Variants in NFE2 observed in about 807,000 individuals in gnomAD.
NFE2 encodes nuclear factor, erythroid 2, also known as transcription factor NF-E2 45 kDa subunit.
A neutral mutation model predicts 25.8 loss-of-function variants in NFE2; 13 were observed. That is an observed-to-expected ratio of 0.50 (90% CI 0.33 to 0.80). The LOEUF is 0.80. NFE2 is among the 30% of genes least tolerant of loss of function. NFE2 has a pLI of 0.02. For missense variants in NFE2, 382 were observed against 478.9 expected, an observed-to-expected ratio of 0.80 and a Z score of 1.89; for synonymous variants, 204 against 200.2, an observed-to-expected ratio of 1.02 and a Z score of -0.16.
intron 1 of NFE2, among the ~76,000 whole-genome samples, chr12:54,297,555 C>G (rs1592181898): frequency 6.7e-6 from 1 of 149,414 alleles, no homozygotes; most frequent in African/African-American, 2.5e-5. Flanking sequence ...ATCCCAGCTA[C>G]TCAGGAGGCT....
rs1944365016 is a variant in NFE2 at position 54,295,544 on chromosome 12, C to A, written c.-56-240G>T. ...CTTTGGTAGCACAGGAGGTCTTTACCTTTTTTCCAGGCAAAATGCCCACTC... is the reference window on the plus strand; with the variant it reads ...CTTTGGTAGCACAGGAGGTCTTTACATTTTTTCCAGGCAAAATGCCCACTC... On this transcript the variant is annotated intron_variant, in intron 1 of 2. Coordinates refer to ENST00000435572, the MANE Select transcript of NFE2 (RefSeq NM_001136023.3). 4 of 282,336 alleles carry A rather than the reference C, an allele frequency of 1.4e-5. No homozygotes were observed. In the Middle Eastern group the frequency reaches 4.5e-3, roughly 314 times the overall value. The allele number at this position is 282,336 out of a possible 1,614,324, so 17.5% of individuals were successfully genotyped here. A position where few individuals can be genotyped will look rare whatever the true frequency, so the allele number is the denominator to read the frequency against.
At position 54,293,007 on chromosome 12, in the gene NFE2, T is replaced by C; in HGVS notation, c.489A>G (p.Thr163=). 6.5e-7 allele frequency: 1 copy of C among 1,535,786 alleles called. No homozygotes were observed. The highest frequency in any genetic ancestry group is 8.8e-7 in the Non-Finnish European group (1 of 1,140,902). The change falls in exon 3 of 3, where the codon ACA becomes ACG. Residue 163 remains threonine (T), a synonymous_variant. Coordinates refer to ENST00000435572, the MANE Select transcript of NFE2 (RefSeq NM_001136023.3). The part of the protein sequence containing the change: ...SDAESLELEG[T]EAGRRRSEYV... Reference sequence around the variant, plus strand: ...ATTCGCTGCGCCGCCGACCAGCCTCTGTCCCCTCCAGCTCAAGAGATTCAG... The same window carrying C: ...ATTCGCTGCGCCGCCGACCAGCCTCCGTCCCCTCCAGCTCAAGAGATTCAG...
rs773205593 is a variant in NFE2, at chr12:54,292,838, C to T, written c.658G>A (p.Gly220Arg). Residue 220 changes from glycine (G) to arginine (R), a missense_variant, in exon 3 of 3, where the codon GGG (glycine) becomes AGG (arginine). By Grantham distance (125) the Gly-to-Arg change is moderately radical (BLOSUM62 -2). Coordinates refer to ENST00000435572, the MANE Select transcript of NFE2 (RefSeq NM_001136023.3). ...CGTTCATCCCGACTCCCTGCCTCCC[C>T]CCGTGCAGTGGGCTTAGCCCGCACA... is the stretch of plus-strand genomic sequence containing the variant. ...GPVRAKPTAR[G>R]EAGSRDERRA... 1.2e-6 allele frequency: 2 copies of T among 1,614,090 alleles called. No homozygotes were observed. The highest frequency in any genetic ancestry group is 4.5e-5 in the East Asian group (2 of 44,896).
At chr12:54,298,914 G>A (rs1206698912) in intron 1 of NFE2, among the ~76,000 whole-genome samples, 1 of 152,060 alleles carries the variant, frequency 6.6e-6, no homozygotes, top group South Asian at 2.1e-4. Flanking sequence ...AGCCAGGTCT[G>A]GTGGCGCACA....
Position 54,292,118 on chromosome 12 carries a change from A to G in NFE2, c.*256T>C. The G allele has an allele frequency of 2.0e-6, 1 of 487,818 alleles. No individual in the cohort carries two copies. Among genetic ancestry groups the G allele is most frequent in the South Asian group, 3.4e-5 (1 of 29,754 alleles). The allele number at this position is 487,818 out of a possible 1,614,324, so 30.2% of individuals were successfully genotyped here. A position where few individuals can be genotyped will look rare whatever the true frequency, so the allele number is the denominator to read the frequency against. ...AGACACAGTGAAAAGCCATTTCTGTAGCGCACTTTATAGACCAAAGCTTAG... is the reference window on the plus strand; with the variant it reads ...AGACACAGTGAAAAGCCATTTCTGTGGCGCACTTTATAGACCAAAGCTTAG... On this transcript the variant is annotated 3_prime_UTR_variant, in exon 3 of 3. Coordinates refer to ENST00000435572, the MANE Select transcript of NFE2 (RefSeq NM_001136023.3).
chr12:54,293,121 G>A lies in NFE2; in HGVS notation c.375C>T (p.Ala125=), dbSNP rs767193168. ...LLSEPLQDPL[A]LLDIGLPAGP... ...CTGCTGGCAGCCCAATGTCCAGGAG[G>A]GCTAAGGGGTCTTGGAGCGGCTCAC... is the stretch of plus-strand genomic sequence containing the variant. The change falls in exon 3 of 3, where the codon GCC becomes GCT. Residue 125 remains alanine, a synonymous_variant. Transcript: ENST00000435572. The A allele has an allele frequency of 4.6e-6, 7 of 1,527,310 alleles. No individual in the cohort carries two copies. The highest frequency in any genetic ancestry group is 3.5e-6 in the Non-Finnish European group (4 of 1,138,440). 94.6% of individuals were successfully genotyped at this position (1,527,310 alleles called of 1,614,324 possible).
intron 2 of NFE2, 133 bp from the exon 3 acceptor site, chr12:54,293,514 G>C: frequency 9.5e-7 from 1 of 1,047,608 alleles, no homozygotes; most frequent in Non-Finnish European, 1.3e-6. Context: ...CACAAATCAC[G>C]GGAAGCTTCC....
At chr12:54,297,356 CAAAAAAAAA>C (rs35611028) in intron 1 of NFE2, among the ~76,000 whole-genome samples, 6 of 49,996 alleles carry the variant, frequency 1.2e-4, no homozygotes, top group African/African-American at 4.5e-4. Flanking sequence ...GACCCTGTCT[CAAAAAAAAA>C]AAAAAAAAAA....
At position 54,293,175 on chromosome 12, in the gene NFE2, G is replaced by A. The variant is rs781465286; in HGVS notation, c.321C>T (p.Ser107=). The part of the protein sequence containing the change: ...YSYGNMAIPV[S]KPLSLSGLLS... Reference sequence around the variant, plus strand: ...GCAGGCCTGAGAGGCTCAGTGGCTTGGAGACTGGTATGGCCATGTTGCCAT... The same window carrying A: ...GCAGGCCTGAGAGGCTCAGTGGCTTAGAGACTGGTATGGCCATGTTGCCAT... The change falls in exon 3 of 3, where the codon TCC becomes TCT. Residue 107 remains serine (S), a synonymous_variant. Transcript: ENST00000435572. The A allele has an allele frequency of 1.3e-6, 2 of 1,561,954 alleles. No homozygotes were observed. The highest frequency in any genetic ancestry group is 1.2e-5 in the South Asian group (1 of 83,270).
intron 1 of NFE2, among the ~76,000 whole-genome samples, chr12:54,297,379 A>AACAC: frequency 7.4e-6 from 1 of 134,722 alleles, no homozygotes; most frequent in East Asian, 2.4e-4. Context: ...AAAAAAAAAA[A>AACAC]ACGGCCAGGT....
intron 2 of NFE2, among the ~76,000 whole-genome samples, chr12:54,293,601 A>G (rs569030714): frequency 2.0e-5 from 3 of 152,288 alleles, no homozygotes; most frequent in African/African-American, 7.2e-5. Flanking sequence ...TATAATCCCA[A>G]CACTATGGGA....
intron 1 of NFE2, among the ~76,000 whole-genome samples, chr12:54,298,061 T>A (rs1238410955): frequency 6.6e-6 from 1 of 152,124 alleles, no homozygotes; most frequent in East Asian, 1.9e-4. Context: ...AGAAGGGGTT[T>A]AGGAGGCAGA....
At chr12:54,298,082 C>T (rs553735528) in intron 1 of NFE2, among the ~76,000 whole-genome samples, 1 of 152,276 alleles carries the variant, frequency 6.6e-6, no homozygotes, top group South Asian at 2.1e-4. Context: ...GACAATGACT[C>T]TTGCTTCACA....
At chr12:54,297,720 A>G (rs1944387356) in intron 1 of NFE2, 2 of 151,174 alleles carry the variant, frequency 1.3e-5, no homozygotes, top group African/African-American at 4.9e-5. Context: ...AGGACAGAGG[A>G]TAGGATTGTA....
At chr12:54,299,295 T>TGGGATAGATCAGG (rs1478232667) in intron 1 of NFE2, among the ~76,000 whole-genome samples, 1 of 152,056 alleles carries the variant, frequency 6.6e-6, no homozygotes, top group Non-Finnish European at 1.5e-5. Flanking sequence ...TGGCAGGCAG[T>TGGGATAGATCAGG]GGGATAGATC....
In NFE2 at chr12:54,292,611, C is replaced by T. The variant is rs540951720; in HGVS notation, c.885G>A (p.Glu295=). 68 of 1,614,218 alleles carry T rather than the reference C, an allele frequency of 4.2e-5. No homozygotes were observed. The highest frequency in any genetic ancestry group is 5.6e-5 in the Non-Finnish European group (66 of 1,180,052). ...CATTGGTCAGCCGCTCCAGCTCCCG[C>T]TCCAGCTGCACAATGGTTTCCAGCT... is the stretch of plus-strand genomic sequence containing the variant. ...KRKLETIVQL[E]RELERLTNER... The change falls in exon 3 of 3, where the codon GAG becomes GAA. Residue 295 remains glutamate (E), a synonymous_variant. Coordinates refer to ENST00000435572, the MANE Select transcript of NFE2 (RefSeq NM_001136023.3).
chr12:54,295,961 C>A (rs1020743632), intron 1 of NFE2, among the ~76,000 whole-genome samples: 1 of 152,218 alleles, frequency 6.6e-6, no homozygotes, highest in Non-Finnish European at 1.5e-5. Flanking sequence ...TCTGGAGACA[C>A]TGGACCTCTG....
At position 54,293,158 on chromosome 12, in the gene NFE2, G is replaced by A; in HGVS notation, c.338C>T (p.Ser113Leu). 1 of 1,553,956 alleles carries A rather than the reference G, an allele frequency of 6.4e-7. No individual in the cohort carries two copies. The highest frequency in any genetic ancestry group is 1.2e-5 in the South Asian group (1 of 82,078). The change falls in exon 3 of 3, where the codon TCA (serine) becomes TTA (leucine). Residue 113 changes from serine (S) to leucine (L), a missense_variant. Physicochemically the swap from Ser to Leu is moderately radical, Grantham distance 145. Coordinates refer to ENST00000435572, the MANE Select transcript of NFE2 (RefSeq NM_001136023.3). Reference sequence around the variant, plus strand: ...TTGGAGCGGCTCACTGAGCAGGCCTGAGAGGCTCAGTGGCTTGGAGACTGG... The same window carrying A: ...TTGGAGCGGCTCACTGAGCAGGCCTAAGAGGCTCAGTGGCTTGGAGACTGG... ...AIPVSKPLSLSGLLSEPLQDP... is the reference protein window; with the variant it reads ...AIPVSKPLSLLGLLSEPLQDP...
At chr12:54,296,644 T>C (rs150528113) in intron 1 of NFE2, among the ~76,000 whole-genome samples, 215 of 152,272 alleles carry the variant, frequency 1.4e-3, no homozygotes, top group Non-Finnish European at 2.4e-3. Context: ...TTTCTCCTTC[T>C]GGGCAATGTC....
Sources: gnomAD v4.1 joint callset for allele counts (sites outside exome capture counted in the v4.1 genomes callset) on GRCh38, gnomAD v4.1.1 for gene constraint, MANE v1.5 for transcripts, NCBI Gene and HGNC (gene_info 2026-07-23, HGNC 2026-07-21) for gene names.